The following TASOR variants were observed in gnomAD, a reference collection of about 807,000 sequenced individuals.
The protein encoded by TASOR is protein TASOR.
Under a neutral mutation model 178.6 loss-of-function variants are expected in TASOR, and 53 were observed. That is an observed-to-expected ratio of 0.30 (90% CI 0.24 to 0.37). The LOEUF is 0.37. Among genes scored for constraint, TASOR ranks in the 10% least tolerant of loss-of-function variants. The pLI, the probability that TASOR is intolerant of heterozygous loss-of-function variation, is 1.00. For synonymous variants in TASOR, 713 were observed against 696.2 expected, an observed-to-expected ratio of 1.02 and a Z score of -0.38; for missense variants, 1,815 against 1,971.4, an observed-to-expected ratio of 0.92 and a Z score of 1.50.
chr3:56,680,467 T>C (rs1040187762), intron 1 of TASOR, among the ~76,000 whole-genome samples: 2 of 152,194 alleles, frequency 1.3e-5, no homozygotes, highest in African/African-American at 2.4e-5. Flanking sequence ...CTTTAAGGTA[T>C]TAAAATATTT....
intron 2 of TASOR, among the ~76,000 whole-genome samples, chr3:56,672,902 C>T (rs1005711081): frequency 4.6e-5 from 7 of 152,204 alleles, no homozygotes; most frequent in African/African-American, 1.7e-4. Context: ...TCTCAGCTCA[C>T]TGCAACCTCA....
intron 21 of TASOR, 23 bp from the exon 22 acceptor site, chr3:56,625,029 T>G (rs2076766743): frequency 6.2e-7 from 1 of 1,605,156 alleles, no homozygotes; most frequent in Admixed American, 1.7e-5. Context: ...GCAGTTCAGT[T>G]TCTGGATCTG....
intron 3 of TASOR, among the ~76,000 whole-genome samples, 188 bp from the exon 4 acceptor site, chr3:56,670,333 A>AACC (rs1215367133): frequency 6.6e-6 from 1 of 152,160 alleles, no homozygotes; most frequent in East Asian, 1.9e-4. Flanking sequence ...TTCTCAAAGT[A>AACC]ACCATATCTA....
intron 11 of TASOR, among the ~76,000 whole-genome samples, chr3:56,655,970 G>A (rs1416016006): frequency 2.0e-5 from 3 of 152,164 alleles, no homozygotes; most frequent in South Asian, 2.1e-4. Context: ...TTGTGATGCA[G>A]CATTAGGCTA....
In TASOR at chr3:56,648,814, G is replaced by C. The variant is rs771655435; in HGVS notation, c.1513+8C>G. On this transcript the variant is annotated splice_region_variant and intron_variant, in intron 13 of 23. Transcript: ENST00000683822. ...AAGTAACCAGATTTAGATATTCAAA[G>C]AACTTACAAGTAACTATGCTTCTAG... 1.9e-6 allele frequency: 3 copies of C among 1,594,428 alleles called. No individual in the cohort carries two copies. Among genetic ancestry groups the C allele is most frequent in the East Asian group, 4.5e-5 (2 of 44,724 alleles).
At chr3:56,672,142 A>G (rs2030797566) in intron 2 of TASOR, among the ~76,000 whole-genome samples, 1 of 152,188 alleles carries the variant, frequency 6.6e-6, no homozygotes, top group African/African-American at 2.4e-5. Flanking sequence ...GATGTGCTCC[A>G]TACATATTTA....
Position 56,622,538 on chromosome 3 carries a change from TTTA to T in TASOR, c.*496_*498del, listed in dbSNP as rs1342425730. On this transcript the variant is annotated 3_prime_UTR_variant, in exon 24 of 24. Coordinates refer to ENST00000683822, the MANE Select transcript of TASOR (RefSeq NM_001365635.2). The stretch of plus-strand genomic sequence containing the variant: ...TAAAAAATGTGTCCTATGTACATAG[TTTA>T]TTATCTAAATGAAACTGCACTGTTA... 2 of 152,646 alleles carry T rather than the reference TTTA, an allele frequency of 1.3e-5. No homozygotes were observed. Among genetic ancestry groups the T allele is most frequent in the African/African-American group, 4.8e-5 (2 of 41,456 alleles). The allele number at this position is 152,646 out of a possible 1,614,324, so 9.5% of individuals were successfully genotyped here. A position where few individuals can be genotyped will look rare whatever the true frequency, so the allele number is the denominator to read the frequency against.
At position 56,642,817 on chromosome 3, in the gene TASOR, A is replaced by G. The variant is rs182020343; in HGVS notation, c.2216-1065T>C. ...GTGAAACCCCGTCTCTACTAAAAAA[A>G]TACAAAAAATTCGCTGGGCGTAGTG... is the stretch of plus-strand genomic sequence containing the variant. On this transcript the variant is annotated intron_variant, in intron 14 of 23. Coordinates refer to ENST00000683822, the MANE Select transcript of TASOR (RefSeq NM_001365635.2). 5.2e-3 allele frequency among the ~76,000 whole-genome samples: 792 copies of G among 152,294 alleles called. 9 individuals carry two copies. Among genetic ancestry groups the G allele is most frequent in the Non-Finnish European group, 5.2e-3 (351 of 68,032 alleles).
chr3:56,667,412 G>C (rs2030157429), intron 6 of TASOR, among the ~76,000 whole-genome samples: 1 of 152,112 alleles, frequency 6.6e-6, no homozygotes, highest in Non-Finnish European at 1.5e-5. Context: ...AACACTTTGG[G>C]AGGCTGAGGC....
chr3:56,659,211 G>C (rs1458868317), intron 11 of TASOR, among the ~76,000 whole-genome samples: 3 of 152,066 alleles, frequency 2.0e-5, no homozygotes, highest in Non-Finnish European at 4.4e-5. Flanking sequence ...ACTGCCATTC[G>C]ACTACCTGGA....
chr3:56,628,679 G>A, intron 18 of TASOR, 65 bp from the exon 19 acceptor site: 1 of 1,089,640 alleles, frequency 9.2e-7, no homozygotes, highest in East Asian at 2.5e-5. Context: ...TTTAACACCA[G>A]AAATGCAAGA....
chr3:56,681,324 A>C (rs1424986566), intron 1 of TASOR, among the ~76,000 whole-genome samples: 1 of 152,180 alleles, frequency 6.6e-6, no homozygotes, highest in African/African-American at 2.4e-5. Context: ...AATACACGAA[A>C]AGAACTGAGT....
In TASOR at chr3:56,671,554, A is replaced by G. The variant is rs369183128; in HGVS notation, c.570+46T>C. On this transcript the variant is annotated intron_variant, in intron 3 of 23. Coordinates refer to ENST00000683822, the MANE Select transcript of TASOR (RefSeq NM_001365635.2). Reference sequence around the variant, plus strand: ...AATAATCACAAAATTAGTAACTTACAATGGAAACATCCCCAAATTGTTTTT... The same window carrying G: ...AATAATCACAAAATTAGTAACTTACGATGGAAACATCCCCAAATTGTTTTT... 8.8e-6 allele frequency: 12 copies of G among 1,360,848 alleles called. No homozygotes were observed. The East Asian group carries it at 2.8e-4, about 31-fold the overall frequency. The allele number at this position is 1,360,848 out of a possible 1,614,324, so 84.3% of individuals were successfully genotyped here. A position where few individuals can be genotyped will look rare whatever the true frequency, so the allele number is the denominator to read the frequency against.
intron 3 of TASOR, among the ~76,000 whole-genome samples, 184 bp from the exon 4 acceptor site, chr3:56,670,329 A>T (rs1188698505): frequency 6.6e-6 from 1 of 152,088 alleles, no homozygotes; most frequent in Admixed American, 6.6e-5. Context: ...ACACTTCTCA[A>T]AGTAACCATA....
Position 56,683,257 on chromosome 3 carries a change from C to T in TASOR, c.-251G>A. 4.8e-6 allele frequency: 2 copies of T among 415,000 alleles called. No homozygotes were observed. The highest frequency in any genetic ancestry group is 8.5e-6 in the Non-Finnish European group (2 of 235,494). 25.7% of individuals were successfully genotyped at this position (415,000 alleles called of 1,614,324 possible). ...TCTTCTGCCTTCCCCCGCCACTCAA[C>T]GTGCGCGCGTCGGGGCCGGGAGGGG... On this transcript the variant is annotated 5_prime_UTR_variant, in exon 1 of 24. Coordinates refer to ENST00000683822, the MANE Select transcript of TASOR (RefSeq NM_001365635.2).
chr3:56,622,945 A>T lies in TASOR; in HGVS notation c.*92T>A, dbSNP rs1286806497. 1 of 815,192 alleles carries T rather than the reference A, an allele frequency of 1.2e-6. No homozygotes were observed. The highest frequency in any genetic ancestry group is 3.1e-5 in the Admixed American group (1 of 31,910). The allele number at this position is 815,192 out of a possible 1,614,324, so 50.5% of individuals were successfully genotyped here. ...ATTTAAATAAAAGAAAAAACATTTG[A>T]GAAAGAACAAGAACCTTTTGTTTAG... On this transcript the variant is annotated 3_prime_UTR_variant, in exon 24 of 24. Transcript: ENST00000683822.
chr3:56,650,253 A>G (rs2077322179), intron 11 of TASOR, among the ~76,000 whole-genome samples: 1 of 152,234 alleles, frequency 6.6e-6, no homozygotes, highest in African/African-American at 2.4e-5. Flanking sequence ...ATAAAAACTA[A>G]TAATTCAGAG....
At chr3:56,650,791 C>G (rs62251190) in intron 11 of TASOR, among the ~76,000 whole-genome samples, 7,469 of 152,206 alleles carry the variant, frequency 0.049, 192 homozygotes, top group East Asian at 0.091. Flanking sequence ...CTGGGTCTTA[C>G]GGCTACCATT....
At chr3:56,658,136 C>A (rs1350182422) in intron 11 of TASOR, among the ~76,000 whole-genome samples, 1 of 152,162 alleles carries the variant, frequency 6.6e-6, no homozygotes, top group African/African-American at 2.4e-5. Flanking sequence ...TAGCTATAGA[C>A]GGAATAATCC....
Sources: allele counts gnomAD v4.1 joint callset (sites outside exome capture counted in the v4.1 genomes callset), GRCh38; gene constraint gnomAD v4.1.1; transcripts MANE v1.5; gene names NCBI Gene and HGNC (gene_info 2026-07-23, HGNC 2026-07-21).